Variants in MIA2 observed in about 807,000 individuals in gnomAD.
MIA2 encodes melanoma inhibitory activity protein 2.
A neutral mutation model predicts 167.8 loss-of-function variants in MIA2; 127 were observed. The observed-to-expected ratio is 0.76, with a 90% CI of 0.66 to 0.88. The LOEUF (loss-of-function observed/expected upper bound fraction) is 0.88, where lower values mean the gene tolerates loss of function less well. Ranked by LOEUF, MIA2 falls within the 40% of genes least tolerant of loss-of-function variation. MIA2 has a pLI of 0.00. For missense variants in MIA2, 1,690 were observed against 1,624.7 expected (o/e 1.04, Z -0.69); for synonymous variants, 552 against 541.9 (o/e 1.02, Z -0.26).
chr14:39,380,670 C>A (rs376060202), intron 23 of MIA2, among the ~76,000 whole-genome samples: 1 of 122,732 alleles, frequency 8.1e-6, no homozygotes, highest in Non-Finnish European at 1.6e-5. Context: ...TCCAGCCTGG[C>A]GACAGAGCGA....
At chr14:39,255,627 T>G (rs1411837736) in intron 6 of MIA2, among the ~76,000 whole-genome samples, 2 of 152,206 alleles carry the variant, frequency 1.3e-5, no homozygotes, top group African/African-American at 2.4e-5. Flanking sequence ...CAACTCCCCA[T>G]GGAATTAATT....
chr14:39,387,289 AG>A lies in MIA2; in HGVS notation c.*338del, dbSNP rs879131071. The stretch of plus-strand genomic sequence containing the variant: ...TTTGTGATTCATGGGAGGAGATTAA[AG>A]TATCAACATTAACTGGACTTTGTAA... On this transcript the variant is annotated 3_prime_UTR_variant, in exon 24 of 24. Coordinates refer to the MIA2 transcript ENST00000341502. 8 of 242,334 alleles carry A rather than the reference AG, an allele frequency of 3.3e-5. No homozygotes were observed. The Admixed American group carries it at 4.5e-4, about 14-fold the overall frequency. 15.0% of individuals were successfully genotyped at this position (242,334 alleles called of 1,614,324 possible). A position where few individuals can be genotyped will look rare whatever the true frequency, so the allele number is the denominator to read the frequency against.
chr14:39,246,136 AC>A (rs1269119779), intron 3 of MIA2, among the ~76,000 whole-genome samples: 1 of 150,088 alleles, frequency 6.7e-6, no homozygotes, highest in African/African-American at 2.5e-5. Flanking sequence ...TCACTCTGTC[AC>A]CCAAGCTGAA....
At chr14:39,246,708 A>G (rs909253083) in intron 3 of MIA2, among the ~76,000 whole-genome samples, 4 of 152,138 alleles carry the variant, frequency 2.6e-5, no homozygotes, top group African/African-American at 9.7e-5. Flanking sequence ...AGAAACAAAA[A>G]ACCATAATGT....
intron 25 of MIA2, among the ~76,000 whole-genome samples, chr14:39,344,798 C>T (rs1420422362): frequency 2.6e-5 from 4 of 152,184 alleles, no homozygotes; most frequent in African/African-American, 9.7e-5. Flanking sequence ...ATCTAGCAGT[C>T]TGACATCACC....
At chr14:39,267,367 G>C in intron 6 of MIA2, 1 of 1,591,324 alleles carries the variant, frequency 6.3e-7, no homozygotes, top group Non-Finnish European at 8.5e-7. Context: ...TGCGGATTCG[G>C]GTTCCGGACC....
At chr14:39,239,398 A>T (rs1325069191) in intron 2 of MIA2, among the ~76,000 whole-genome samples, 1 of 151,570 alleles carries the variant, frequency 6.6e-6, no homozygotes, top group African/African-American at 2.4e-5. Context: ...CACACAAATT[A>T]GTGGGGTGTT....
intron 13 of MIA2, 103 bp downstream of exon 13, chr14:39,295,132 TTGAGAGCA>T (rs887519046): frequency 1.3e-6 from 1 of 783,930 alleles, no homozygotes; most frequent in Admixed American, 2.3e-5. Context: ...AGGCTTTTCC[TTGAGAGCA>T]TGAGAGCAGG....
At chr14:39,376,300 G>A (rs908901818) in intron 23 of MIA2, among the ~76,000 whole-genome samples, 1 of 152,126 alleles carries the variant, frequency 6.6e-6, no homozygotes, top group African/African-American at 2.4e-5. Flanking sequence ...AATTAGACAA[G>A]TTGATTTCTA....
intron 24 of MIA2, among the ~76,000 whole-genome samples, 177 bp from the exon 25 acceptor site, chr14:39,326,683 ATTAC>A (rs1188316867): frequency 6.7e-6 from 1 of 150,098 alleles, no homozygotes; most frequent in Non-Finnish European, 1.5e-5. Context: ...AGTTCTTATA[ATTAC>A]TTTATAATTA....
chr14:39,300,176 T>A (rs1373774670), intron 14 of MIA2, among the ~76,000 whole-genome samples, 190 bp downstream of exon 14: 1 of 152,162 alleles, frequency 6.6e-6, no homozygotes, highest in Non-Finnish European at 1.5e-5. Flanking sequence ...ACACACATAC[T>A]TATATGAATA....
intron 10 of MIA2, among the ~76,000 whole-genome samples, chr14:39,291,555 A>G (rs2060741652): frequency 6.6e-6 from 1 of 152,232 alleles, no homozygotes; most frequent in Admixed American, 6.5e-5. Context: ...GAATTAGGCC[A>G]GAGGTTTACG....
intron 3 of MIA2, among the ~76,000 whole-genome samples, chr14:39,246,009 G>T (rs189838356): frequency 2.0e-5 from 3 of 152,158 alleles, no homozygotes; most frequent in Admixed American, 2.0e-4. Context: ...CTTTTCATCA[G>T]ATTTTGTTTG....
chr14:39,268,868 G>T, intron 6 of MIA2: 1 of 307,182 alleles, frequency 3.3e-6, no homozygotes, highest in Non-Finnish European at 4.8e-6. Flanking sequence ...AGGACTCCCA[G>T]GTTTCTGGCT....
intron 6 of MIA2, chr14:39,265,363 G>A (rs766522112): frequency 2.5e-6 from 4 of 1,580,474 alleles, no homozygotes; most frequent in Non-Finnish European, 2.6e-6. Context: ...TTATTTACAT[G>A]TTAGGAAATT....
intron 6 of MIA2, among the ~76,000 whole-genome samples, chr14:39,261,686 C>G (rs1827712298): frequency 6.6e-6 from 1 of 152,158 alleles, no homozygotes; most frequent in South Asian, 2.1e-4. Context: ...ACCATTTTAA[C>G]TGGTGTGAGA....
chr14:39,286,538 T>A (rs1356667538), intron 9 of MIA2, among the ~76,000 whole-genome samples: 2 of 152,210 alleles, frequency 1.3e-5, no homozygotes, highest in Non-Finnish European at 2.9e-5. Flanking sequence ...TTTGATATTA[T>A]ATCCTGCATC....
At chr14:39,300,961 T>C (rs76307718) in intron 14 of MIA2, among the ~76,000 whole-genome samples, 2 of 141,364 alleles carry the variant, frequency 1.4e-5, no homozygotes, top group Non-Finnish European at 3.1e-5. Context: ...CACATACATA[T>C]ACACATATAT....
chr14:39,292,145 T>G (rs1285301200), intron 10 of MIA2, among the ~76,000 whole-genome samples: 3 of 152,214 alleles, frequency 2.0e-5, no homozygotes, highest in Non-Finnish European at 4.4e-5. Context: ...GAAATTATAT[T>G]TTATTTGCTA....
Sources: allele counts gnomAD v4.1 joint callset (sites outside exome capture counted in the v4.1 genomes callset), GRCh38; gene constraint gnomAD v4.1.1; transcripts MANE v1.5; gene names NCBI Gene and HGNC (gene_info 2026-07-23, HGNC 2026-07-21).